ERBB4: variants seen among roughly 807,000 people sequenced by gnomAD.
ERBB4 encodes erb-b2 receptor tyrosine kinase 4, also known as receptor tyrosine-protein kinase erbB-4.
ERBB4 carries 42 observed loss-of-function variants against 158.0 expected under a neutral mutation model. That is an observed-to-expected ratio of 0.27 (90% CI 0.21 to 0.34). The LOEUF is 0.34. Among genes scored for constraint, ERBB4 ranks in the 10% least tolerant of loss-of-function variants. The pLI is 1.00. For missense variants in ERBB4, 1,333 were observed against 1,624.1 expected, an observed-to-expected ratio of 0.82 and a Z score of 3.08; for synonymous variants, 583 against 558.7, an observed-to-expected ratio of 1.04 and a Z score of -0.61.
chr2:212,138,223 C>T (rs1351833659), intron 1 of ERBB4, among the ~76,000 whole-genome samples: 1 of 152,140 alleles, frequency 6.6e-6, no homozygotes, highest in East Asian at 1.9e-4. Context: ...GAGCCCTTCT[C>T]GCCTACCACA....
chr2:211,695,838 T>C (rs2106011517), intron 12 of ERBB4, among the ~76,000 whole-genome samples: 1 of 152,342 alleles, frequency 6.6e-6, no homozygotes, highest in South Asian at 2.1e-4. Flanking sequence ...ACATTACATG[T>C]GTATATATGA....
At chr2:212,229,372 G>C (rs569971928) in intron 1 of ERBB4, among the ~76,000 whole-genome samples, 6 of 152,296 alleles carry the variant, frequency 3.9e-5, no homozygotes, top group South Asian at 4.1e-4. Context: ...GGGGATATTT[G>C]TTGCTGATGG....
At chr2:211,515,896 T>TATATATATATA (rs1553555027) in intron 20 of ERBB4, among the ~76,000 whole-genome samples, 1 of 88,954 alleles carries the variant, frequency 1.1e-5, no homozygotes, top group African/African-American at 5.2e-5. Flanking sequence ...AAAACATATA[T>TATATATATATA]TATATATATA....
At chr2:211,958,105 T>C (rs1183903708) in intron 2 of ERBB4, among the ~76,000 whole-genome samples, 1 of 152,080 alleles carries the variant, frequency 6.6e-6, no homozygotes, top group Non-Finnish European at 1.5e-5. Context: ...TTGACAAGCC[T>C]GCCAAGACAC....
intron 5 of ERBB4, among the ~76,000 whole-genome samples, chr2:211,728,259 T>C (rs1261320339): frequency 6.6e-6 from 1 of 151,756 alleles, no homozygotes; most frequent in African/African-American, 2.4e-5. Flanking sequence ...ATTTATTCCA[T>C]TTATTTTGTT....
intron 20 of ERBB4, among the ~76,000 whole-genome samples, chr2:211,557,082 A>T (rs2067255454): frequency 6.6e-6 from 1 of 152,108 alleles, no homozygotes; most frequent in Non-Finnish European, 1.5e-5. Flanking sequence ...TTGAAACTGG[A>T]CCCCTTCCTT....
At position 211,580,910 on chromosome 2, in the gene ERBB4, T is replaced by C. The variant is rs1278571545; in HGVS notation, c.2302-18822A>G. 1.7e-5 allele frequency among the ~76,000 whole-genome samples: 2 copies of C among 120,916 alleles called. 1 individual carries two copies. Among genetic ancestry groups the C allele is most frequent in the African/African-American group, 6.7e-5 (2 of 29,776 alleles). The allele number at this position is 120,916 out of a possible 152,430, so 79.3% of individuals were successfully genotyped here. On this transcript the variant is annotated intron_variant, in intron 19 of 27. Coordinates refer to ENST00000342788, the MANE Select transcript of ERBB4 (RefSeq NM_005235.3). ...ATATATATATATATATATATATATA[T>C]ATATATGATGGAATACTACTTAGCC...
At chr2:212,166,555 T>C (rs779174751) in intron 1 of ERBB4, among the ~76,000 whole-genome samples, 1 of 146,474 alleles carries the variant, frequency 6.8e-6, no homozygotes, top group African/African-American at 2.6e-5. Context: ...CAAACTACCA[T>C]TGACATTCTT....
chr2:211,434,659 C>A (rs1251587155), intron 20 of ERBB4, among the ~76,000 whole-genome samples: 2 of 152,086 alleles, frequency 1.3e-5, no homozygotes, highest in Admixed American at 6.5e-5. Flanking sequence ...ATACACAAAG[C>A]CTCAGCAAGT....
intron 1 of ERBB4, among the ~76,000 whole-genome samples, chr2:212,172,739 C>G (rs181408531): frequency 6.6e-6 from 1 of 151,820 alleles, no homozygotes; most frequent in African/African-American, 2.4e-5. Flanking sequence ...GATGAGAACA[C>G]ATGGACAAAT....
intron 1 of ERBB4, among the ~76,000 whole-genome samples, chr2:212,331,069 T>TAC: frequency 7.6e-6 from 1 of 130,868 alleles, no homozygotes; most frequent in Non-Finnish European, 1.7e-5. Flanking sequence ...TATATATATA[T>TAC]ATACACATAT....
At chr2:212,100,231 T>C (rs987297012) in intron 2 of ERBB4, among the ~76,000 whole-genome samples, 17 of 152,166 alleles carry the variant, frequency 1.1e-4, no homozygotes, top group African/African-American at 4.1e-4. Flanking sequence ...GCCTCAATTA[T>C]AGACATCAGC....
At chr2:211,831,728 C>A (rs944903008) in intron 3 of ERBB4, among the ~76,000 whole-genome samples, 5 of 151,784 alleles carry the variant, frequency 3.3e-5, no homozygotes, top group Non-Finnish European at 4.4e-5. Context: ...ATGGTGAAAC[C>A]CCATATCTAC....
intron 19 of ERBB4, among the ~76,000 whole-genome samples, chr2:211,566,645 G>C (rs965198155): frequency 6.6e-6 from 1 of 152,092 alleles, no homozygotes; most frequent in Non-Finnish European, 1.5e-5. Context: ...TGTATTCACA[G>C]TGTAAACCAG....
intron 1 of ERBB4, among the ~76,000 whole-genome samples, chr2:212,445,332 T>G (rs1230076835): frequency 6.6e-6 from 1 of 152,130 alleles, no homozygotes; most frequent in African/African-American, 2.4e-5. Flanking sequence ...ACACTCACCA[T>G]TAACCCCAGT....
chr2:212,315,880 C>T (rs541607059), intron 1 of ERBB4, among the ~76,000 whole-genome samples: 16 of 151,580 alleles, frequency 1.1e-4, no homozygotes, highest in African/African-American at 3.9e-4. Flanking sequence ...ATTGAACTCA[C>T]AGAAGACATA....
intron 1 of ERBB4, among the ~76,000 whole-genome samples, chr2:212,178,305 A>ATGC (rs2081742483): frequency 6.6e-6 from 1 of 151,636 alleles, no homozygotes; most frequent in African/African-American, 2.4e-5. Flanking sequence ...TTATTTTGGA[A>ATGC]AAGCAATTAA....
chr2:211,674,166 T>C (rs2071963951), intron 13 of ERBB4, among the ~76,000 whole-genome samples: 1 of 152,118 alleles, frequency 6.6e-6, no homozygotes, highest in African/African-American at 2.4e-5. Flanking sequence ...TACAGACAAT[T>C]TAAAATGCCA....
chr2:211,551,027 G>A (rs902058075), intron 20 of ERBB4, among the ~76,000 whole-genome samples: 2 of 151,442 alleles, frequency 1.3e-5, no homozygotes, highest in African/African-American at 2.4e-5. Context: ...ACTGCAATCT[G>A]CGCCTCACCG....
Sources: allele counts gnomAD v4.1 joint callset (sites outside exome capture counted in the v4.1 genomes callset), GRCh38; gene constraint gnomAD v4.1.1; transcripts MANE v1.5; gene names NCBI Gene and HGNC (gene_info 2026-07-23, HGNC 2026-07-21).